The following HYDIN variants were observed in gnomAD, a reference collection of about 807,000 sequenced individuals.
HYDIN encodes the protein axonemal central pair apparatus protein HYDIN.
HYDIN carries 132 observed loss-of-function variants against 403.9 expected under a neutral mutation model. The observed-to-expected ratio is 0.33, with a 90% CI of 0.28 to 0.38. The LOEUF is 0.38. Among genes scored for constraint, HYDIN ranks in the 10% least tolerant of loss-of-function variants. The pLI is 1.00. For missense variants in HYDIN, 2,827 were observed against 5,009.5 expected, an observed-to-expected ratio of 0.56 and a Z score of 13.15; for synonymous variants, 1,202 against 1,891.7, an observed-to-expected ratio of 0.64 and a Z score of 9.46.
rs1266813871 is a variant in HYDIN, at chr16:70,930,986, C to T, written c.7158+4966G>A. Among the ~76,000 whole-genome samples the T allele has an allele frequency of 2.6e-5, 4 of 152,050 alleles. No homozygotes were observed. The South Asian group carries it at 8.3e-4, about 31-fold the overall frequency. On this transcript the variant is annotated intron_variant, in intron 45 of 85. Transcript: ENST00000393567. Reference sequence around the variant, plus strand: ...TGACTCAGATGGAGGAACTGTCAGACAAGAACTATATGCAGCTATTATAAC... The same window carrying T: ...TGACTCAGATGGAGGAACTGTCAGATAAGAACTATATGCAGCTATTATAAC...
intron 71 of HYDIN, among the ~76,000 whole-genome samples, chr16:70,858,919 T>C (rs1237830176): frequency 6.6e-6 from 1 of 150,850 alleles, no homozygotes; most frequent in Non-Finnish European, 1.5e-5. Flanking sequence ...GTGGAGAGTC[T>C]ACAAATATGT....
intron 58 of HYDIN, among the ~76,000 whole-genome samples, chr16:70,885,993 G>A (rs1027179255): frequency 1.4e-5 from 2 of 145,480 alleles, no homozygotes; most frequent in African/African-American, 5.6e-5. Context: ...AACCATGAGG[G>A]AAAGGCCAAC....
intron 18 of HYDIN, among the ~76,000 whole-genome samples, chr16:71,039,937 G>A (rs549724540): frequency 1.3e-5 from 2 of 152,210 alleles, no homozygotes; most frequent in African/African-American, 4.8e-5. Context: ...AACACCTAAG[G>A]TGTCCACAGA....
rs2034961326 is a variant in HYDIN at position 70,803,100 on chromosome 16, G to A, written c.*4480C>T. ...TGCTTTTTGGTTTGGCTTTTTCTTA[G>A]AGGTGAACTGAATTTCCCAAGGGTA... On this transcript the variant is annotated 3_prime_UTR_variant, in exon 86 of 86. Coordinates refer to ENST00000393567, the MANE Select transcript of HYDIN (RefSeq NM_001270974.2). 6.6e-6 allele frequency among the ~76,000 whole-genome samples: 1 copy of A among 152,164 alleles called. No individual in the cohort carries two copies. The highest frequency in any genetic ancestry group is 1.5e-5 in the Non-Finnish European group (1 of 68,028).
chr16:71,013,695 GT>G (rs1424168145), intron 23 of HYDIN, among the ~76,000 whole-genome samples: 5 of 124,576 alleles, frequency 4.0e-5, no homozygotes, highest in African/African-American at 1.6e-4. Flanking sequence ...GATAGGGTGG[GT>G]GGGGTTAGAG....
Position 70,850,463 on chromosome 16 carries a change from G to T in HYDIN, c.12636C>A (p.Ile4212=), listed in dbSNP as rs748932850. Residue 4212 remains isoleucine (I), a synonymous_variant, in exon 74 of 86, where the codon ATC becomes ATA. Transcript: ENST00000393567. ...ACACCTTTACCTCATAGAAGTTGAT[G>T]ATGTTAGTCTGGTTGGGAGTCAACA... ...ITLLTPNQTN[I]INFYEVELNE... is the part of the protein sequence containing the mutation. 5.2e-6 allele frequency: 8 copies of T among 1,540,626 alleles called. No homozygotes were observed. In the South Asian group the frequency reaches 9.2e-5, roughly 18 times the overall value.
At chr16:71,026,891 C>A (rs975464079) in intron 20 of HYDIN, among the ~76,000 whole-genome samples, 8 of 151,994 alleles carry the variant, frequency 5.3e-5, no homozygotes, top group African/African-American at 1.7e-4. Flanking sequence ...GCAACACAAG[C>A]AGGATCTTAA....
At chr16:71,175,093 C>T (rs926151287) in intron 5 of HYDIN, among the ~76,000 whole-genome samples, 1 of 151,320 alleles carries the variant, frequency 6.6e-6, no homozygotes, top group African/African-American at 2.4e-5. Context: ...ACCATCTACA[C>T]CACCACCACC....
intron 56 of HYDIN, 33 bp downstream of exon 56, chr16:70,892,328 T>C: frequency 1.3e-6 from 2 of 1,565,416 alleles, no homozygotes; most frequent in Non-Finnish European, 1.7e-6. Context: ...GATCCTGCCA[T>C]TGAGGCAGCC....
intron 1 of HYDIN, among the ~76,000 whole-genome samples, chr16:71,222,701 G>C (rs2040857742): frequency 6.6e-6 from 1 of 151,930 alleles, no homozygotes; most frequent in Admixed American, 6.6e-5. Flanking sequence ...ACCATGCTGA[G>C]AATCAAATCA....
intron 21 of HYDIN, among the ~76,000 whole-genome samples, chr16:71,021,511 G>T (rs576609215): frequency 3.3e-5 from 5 of 152,064 alleles, no homozygotes; most frequent in African/African-American, 1.2e-4. Flanking sequence ...CACCGCACCC[G>T]GCCCAGATTT....
intron 29 of HYDIN, among the ~76,000 whole-genome samples, chr16:70,979,859 G>C (rs1211362909): frequency 1.3e-5 from 2 of 152,188 alleles, no homozygotes; most frequent in African/African-American, 4.8e-5. Context: ...TGGAGGTGGA[G>C]GTTGCAGGGA....
chr16:71,024,882 T>G (rs560051425), intron 21 of HYDIN, among the ~76,000 whole-genome samples: 3 of 152,172 alleles, frequency 2.0e-5, no homozygotes, highest in Non-Finnish European at 4.4e-5. Flanking sequence ...TTTCCTCGTG[T>G]GCATCACATC....
intron 55 of HYDIN, 32 bp downstream of exon 55, chr16:70,894,417 G>T: frequency 6.2e-7 from 1 of 1,611,004 alleles, no homozygotes. Flanking sequence ...CGGCGGACTT[G>T]ATGGCCTTAC....
Position 71,161,082 on chromosome 16 carries a change from A to G in HYDIN, c.716+1449T>C, listed in dbSNP as rs1484706170. 2.3e-5 allele frequency among the ~76,000 whole-genome samples: 3 copies of G among 130,502 alleles called. No individual in the cohort carries two copies. The Admixed American group carries it at 2.4e-4, about 10-fold the overall frequency. 85.6% of individuals were successfully genotyped at this position (130,502 alleles called of 152,430 possible). On this transcript the variant is annotated intron_variant, in intron 6 of 85. Coordinates refer to ENST00000393567, the MANE Select transcript of HYDIN (RefSeq NM_001270974.2). Reference sequence around the variant, plus strand: ...TAATATATAATGAAATGATTACACAACTCACCATAATGTAGATCAGTGGAA... The same window carrying G: ...TAATATATAATGAAATGATTACACAGCTCACCATAATGTAGATCAGTGGAA...
chr16:71,141,077 A>T (rs1394951814), intron 7 of HYDIN, among the ~76,000 whole-genome samples: 1 of 151,770 alleles, frequency 6.6e-6, no homozygotes, highest in Admixed American at 6.6e-5. Flanking sequence ...AATTGATAGA[A>T]TTAAAATATA....
intron 1 of HYDIN, among the ~76,000 whole-genome samples, chr16:71,188,103 C>G (rs577102860): frequency 1.4e-4 from 21 of 152,304 alleles, no homozygotes; most frequent in African/African-American, 5.1e-4. Context: ...AAACCAGTAT[C>G]TTTTCCCTAT....
intron 73 of HYDIN, among the ~76,000 whole-genome samples, chr16:70,853,780 A>C (rs2038826520): frequency 6.9e-6 from 1 of 145,814 alleles, no homozygotes; most frequent in Admixed American, 6.7e-5. Flanking sequence ...TTGACTCGTC[A>C]ATGTCAATAC....
intron 41 of HYDIN, among the ~76,000 whole-genome samples, chr16:70,946,444 T>G (rs1038601985): frequency 4.0e-5 from 6 of 151,606 alleles, no homozygotes; most frequent in African/African-American, 1.5e-4. Context: ...AAATTTAAAT[T>G]AAGATCCTTC....
Sources: allele counts gnomAD v4.1 joint callset (sites outside exome capture counted in the v4.1 genomes callset), GRCh38; gene constraint gnomAD v4.1.1; transcripts MANE v1.5; gene names NCBI Gene and HGNC (gene_info 2026-07-23, HGNC 2026-07-21).